PTK2: variants seen among roughly 807,000 people sequenced by gnomAD.
The protein encoded by PTK2 is protein tyrosine kinase 2, also known as focal adhesion kinase 1.
Under a neutral mutation model 150.1 loss-of-function variants are expected in PTK2, and 45 were observed. The observed-to-expected ratio is 0.30, with a 90% confidence interval of 0.24 to 0.38. The LOEUF is 0.38. Ranked by LOEUF, PTK2 falls within the 10% of genes least tolerant of loss-of-function variation. The probability of loss-of-function intolerance (pLI) is 1.00; values close to 1 mark genes in which losing one functional copy is unlikely to be tolerated. For missense variants in PTK2, 919 were observed against 1,307.3 expected (o/e 0.70, Z 4.58); for synonymous variants, 432 against 449.2 (o/e 0.96, Z 0.48).
At chr8:140,818,931 G>A (rs1220501734) in exon 9 of PTK2, 4 of 1,613,512 alleles carry the variant, frequency 2.5e-6, no homozygotes, top group Non-Finnish European at 3.4e-6. Context: ...CTGGAGACAG[G>A]ATCTCAAAGA....
chr8:140,750,880 T>G (rs553037454), intron 17 of PTK2, among the ~76,000 whole-genome samples: 1 of 152,098 alleles, frequency 6.6e-6, no homozygotes, highest in Admixed American at 6.5e-5. Flanking sequence ...AACTTTAGAA[T>G]AGCCTGGGAA....
intron 1 of PTK2, among the ~76,000 whole-genome samples, chr8:140,990,989 TA>T (rs2100195512): frequency 6.6e-6 from 1 of 152,158 alleles, no homozygotes; most frequent in African/African-American, 2.4e-5. Flanking sequence ...CAAAGATACC[TA>T]ACAGATAATA....
chr8:140,686,200 G>T (rs914136404), intron 27 of PTK2, among the ~76,000 whole-genome samples: 3 of 152,106 alleles, frequency 2.0e-5, no homozygotes, highest in Non-Finnish European at 2.9e-5. Context: ...AGTACACACG[G>T]ACACAATGAA....
At chr8:140,977,770 G>C (rs2100189834) in intron 1 of PTK2, among the ~76,000 whole-genome samples, 1 of 152,008 alleles carries the variant, frequency 6.6e-6, no homozygotes, top group South Asian at 2.1e-4. Flanking sequence ...TGGATAAAGA[G>C]AGATTCCTTA....
intron 10 of PTK2, among the ~76,000 whole-genome samples, chr8:140,817,907 T>C (rs958565527): frequency 1.3e-5 from 2 of 152,116 alleles, no homozygotes; most frequent in African/African-American, 2.4e-5. Context: ...TTTTTTTTTT[T>C]CCTGGAAATA....
chr8:140,856,262 A>G (rs2100132521), intron 5 of PTK2, among the ~76,000 whole-genome samples: 1 of 152,352 alleles, frequency 6.6e-6, no homozygotes, highest in South Asian at 2.1e-4. Context: ...ACACAACTGT[A>G]AAGGATCAAA....
chr8:140,887,755 C>T (rs1187793865), intron 3 of PTK2, among the ~76,000 whole-genome samples: 1 of 152,048 alleles, frequency 6.6e-6, no homozygotes, highest in African/African-American at 2.4e-5. Flanking sequence ...GTTCAGTTAA[C>T]CTACTATATC....
chr8:140,969,185 C>T (rs1455703668), intron 1 of PTK2, among the ~76,000 whole-genome samples: 1 of 152,032 alleles, frequency 6.6e-6, no homozygotes, highest in Non-Finnish European at 1.5e-5. Flanking sequence ...TAAACAAGAC[C>T]CAGAGTCTCC....
intron 27 of PTK2, among the ~76,000 whole-genome samples, chr8:140,681,003 T>C (rs373370222): frequency 6.6e-6 from 1 of 152,190 alleles, no homozygotes; most frequent in Non-Finnish European, 1.5e-5. Flanking sequence ...GAAATCTGCA[T>C]TTAACTTAAA....
chr8:140,669,767 A>C, intron 29 of PTK2, 32 bp from the exon 33 acceptor site: 1 of 1,527,406 alleles, frequency 6.5e-7, no homozygotes, highest in East Asian at 2.4e-5. Flanking sequence ...GGAAAAGTTA[A>C]AGGAATTTAT....
At chr8:140,761,946 T>C (rs1469432823) in intron 15 of PTK2, among the ~76,000 whole-genome samples, 1 of 152,112 alleles carries the variant, frequency 6.6e-6, no homozygotes, top group African/African-American at 2.4e-5. Flanking sequence ...ACAAAATCGA[T>C]TATTCAGTAG....
At chr8:140,767,718 T>C (rs1031319741) in intron 14 of PTK2, among the ~76,000 whole-genome samples, 12 of 152,202 alleles carry the variant, frequency 7.9e-5, no homozygotes, top group Non-Finnish European at 1.5e-4. Flanking sequence ...ACTCCTGGAC[T>C]CAAGTGTAAT....
intron 16 of PTK2, among the ~76,000 whole-genome samples, chr8:140,755,392 C>A (rs1334675465): frequency 6.6e-6 from 1 of 152,126 alleles, no homozygotes; most frequent in East Asian, 1.9e-4. Context: ...AAAAGGTTTC[C>A]TTTTGCCTTC....
chr8:140,819,297 A>G (rs570196694), intron 8 of PTK2, among the ~76,000 whole-genome samples: 2 of 152,220 alleles, frequency 1.3e-5, no homozygotes, highest in Non-Finnish European at 1.5e-5. Flanking sequence ...AGTTTGTACT[A>G]TATGTGCACA....
At chr8:140,859,489 G>T (rs567227435) in intron 5 of PTK2, among the ~76,000 whole-genome samples, 77 of 152,218 alleles carry the variant, frequency 5.1e-4, no homozygotes, top group African/African-American at 1.8e-3. Flanking sequence ...AAAAATCACT[G>T]ATTTAGCCTA....
intron 24 of PTK2, among the ~76,000 whole-genome samples, 168 bp from the exon 28 acceptor site, chr8:140,702,875 C>T (rs536849711): frequency 7.4e-4 from 112 of 152,296 alleles, no homozygotes; most frequent in African/African-American, 2.5e-3. Flanking sequence ...TGTTTCCTTA[C>T]GTGGCAAAAG....
intron 8 of PTK2, among the ~76,000 whole-genome samples, chr8:140,823,257 T>G (rs1375887132): frequency 6.6e-6 from 1 of 152,154 alleles, no homozygotes; most frequent in Non-Finnish European, 1.5e-5. Flanking sequence ...AATACTGACA[T>G]GCAGTGATCA....
intron 10 of PTK2, among the ~76,000 whole-genome samples, chr8:140,815,373 A>C (rs1359528540): frequency 6.6e-6 from 1 of 152,154 alleles, no homozygotes; most frequent in Non-Finnish European, 1.5e-5. Context: ...TGAGAACACA[A>C]GGACACACAG....
chr8:140,664,945 G>A lies in PTK2; in HGVS notation c.2918C>T (p.Pro973Leu), dbSNP rs182400745. ...TCGGTGGGTGCTGGCTGGTAGGAGG[G>A]GAATGGTCTCATCCACAGTGGCCAA... Residue 973 changes from proline to leucine, a missense_variant, in exon 31 of 32, where the codon CCC (proline) becomes CTC (leucine). By Grantham distance (98) the Pro-to-Leu change is moderately conservative. Coordinates refer to ENST00000522684, the Ensembl canonical transcript of PTK2. 14 of 1,608,010 alleles carry A rather than the reference G, an allele frequency of 8.7e-6. No individual in the cohort carries two copies. In the African/African-American group the frequency reaches 1.8e-4, roughly 20 times the overall value.
Sources: gnomAD v4.1 joint callset for allele counts (sites outside exome capture counted in the v4.1 genomes callset) on GRCh38, gnomAD v4.1.1 for gene constraint, MANE v1.5 for transcripts, NCBI Gene and HGNC (gene_info 2026-07-23, HGNC 2026-07-21) for gene names.